PHACTR2: variants seen among roughly 807,000 people sequenced by gnomAD.
PHACTR2 encodes the protein phosphatase and actin regulator 2.
PHACTR2 carries 30 observed loss-of-function variants against 76.0 expected under a neutral mutation model. The ratio of observed to expected loss-of-function variants is 0.39; its 90% CI spans 0.30 to 0.54. PHACTR2 has a LOEUF of 0.54. PHACTR2 is among the 20% of genes least tolerant of loss of function. PHACTR2 has a pLI of 0.61. For missense variants in PHACTR2, 696 were observed against 781.1 expected (o/e 0.89, Z 1.30); for synonymous variants, 292 against 292.5 (o/e 1.00, Z 0.02).
At position 143,698,413 on chromosome 6, in the gene PHACTR2, A is replaced by G. The variant is rs1777821893; in HGVS notation, c.47-13603A>G. ...TGGAATTGTTTCTCTCAAGAGAATT[A>G]GGTGTACAAACCAAGGAATGTTAAT... is the stretch of plus-strand genomic sequence containing the variant. On this transcript the variant is annotated intron_variant, in intron 1 of 12. Transcript: ENST00000440869. This position sits in a 1 kb window ranked among gnomAD's most constrained non-coding sequence, Gnocchi z 4.3. Among the ~76,000 whole-genome samples the G allele has an allele frequency of 6.6e-6, 1 of 152,260 alleles. No homozygotes were observed. Among genetic ancestry groups the G allele is most frequent in the Admixed American group, 6.5e-5 (1 of 15,288 alleles).
chr6:143,656,151 G>A lies in PHACTR2; in HGVS notation c.13+47829G>A, dbSNP rs537850366. 1.9e-4 allele frequency among the ~76,000 whole-genome samples: 29 copies of A among 152,294 alleles called. No individual in the cohort carries two copies. Among genetic ancestry groups the A allele is most frequent in the South Asian group, 8.3e-4 (4 of 4,830 alleles). ...CCAAACTGCAGAGGAAATAACAGGC[G>A]CAGAGACTTCTAGCAGGGTTGTCTG... On this transcript the variant is annotated intron_variant, in intron 1 of 11. Coordinates refer to the PHACTR2 transcript ENST00000305766. The surrounding 1 kb of genome is among the most constrained non-coding windows in gnomAD (Gnocchi z 5.3).
At chr6:143,790,295 A>AT (rs1291925182) in intron 11 of PHACTR2, among the ~76,000 whole-genome samples, 6 of 152,070 alleles carry the variant, frequency 3.9e-5, no homozygotes, top group Non-Finnish European at 8.8e-5. Context: ...TACTTGAACA[A>AT]TTTTTTATGT....
In PHACTR2 at chr6:143,771,158, G is replaced by GTATATATATATA. The variant is rs1341330418; in HGVS notation, c.1233-1096_1233-1085dup. Among the ~76,000 whole-genome samples, 15 of 14,592 alleles carry GTATATATATATA rather than the reference G, an allele frequency of 1.0e-3. 1 individual carries two copies. Among genetic ancestry groups the GTATATATATATA allele is most frequent in the African/African-American group, 2.1e-3 (14 of 6,608 alleles). The allele number at this position is 14,592 out of a possible 152,430, so 9.6% of individuals were successfully genotyped here. A position where few individuals can be genotyped will look rare whatever the true frequency, so the allele number is the denominator to read the frequency against. On this transcript the variant is annotated intron_variant, in intron 6 of 12. Coordinates refer to ENST00000440869, the MANE Select transcript of PHACTR2 (RefSeq NM_001100164.2). ...TATATATATATGTATATATATATATGTATATATATATATATGTATATATAT... is the reference window on the plus strand; with the variant it reads ...TATATATATATGTATATATATATATGTATATATATATATATATATATATATATGTATATATAT...
In PHACTR2 at chr6:143,561,357, T is replaced by C. The variant is rs1775272521; in HGVS notation, c.217+24150T>C. 6.6e-6 allele frequency: 1 copy of C among 152,268 alleles called. No individual in the cohort carries two copies. The highest frequency in any genetic ancestry group is 1.5e-5 in the Non-Finnish European group (1 of 68,068). The allele number at this position is 152,268 out of a possible 1,614,324, so 9.4% of individuals were successfully genotyped here. A position where few individuals can be genotyped will look rare whatever the true frequency, so the allele number is the denominator to read the frequency against. The stretch of plus-strand genomic sequence containing the variant: ...CTCCAGAGCCCAGAAGATTAGGTTG[T>C]TGCTCAATGTTTGTTGAATGAATAA... On this transcript the variant is annotated intron_variant, in intron 1 of 11. Transcript: ENST00000367584. The surrounding 1 kb of genome is among the most constrained non-coding windows in gnomAD (Gnocchi z 4.1).
intron 1 of PHACTR2, among the ~76,000 whole-genome samples, chr6:143,685,864 G>T (rs780403614): frequency 2.6e-5 from 4 of 152,132 alleles, no homozygotes; most frequent in Non-Finnish European, 4.4e-5. Flanking sequence ...GGGCGTGGTG[G>T]CTCACACCTG....
chr6:143,749,192 G>A, intron 3 of PHACTR2, 127 bp downstream of exon 3: 1 of 602,498 alleles, frequency 1.7e-6, no homozygotes, highest in East Asian at 2.9e-5. Flanking sequence ...TGCATTCCAA[G>A]CGCCGTGCTT....
At position 143,556,773 on chromosome 6, in the gene PHACTR2, C is replaced by T. The variant is rs1419867242; in HGVS notation, c.217+19566C>T. On this transcript the variant is annotated intron_variant, in intron 1 of 11. Transcript: ENST00000367584. The surrounding 1 kb of genome is among the most constrained non-coding windows in gnomAD (Gnocchi z 4.3). ...CGCATCACCATGGAATTTTCAGACT[C>T]AACGCACTGGCCACACCATGGGGTC... is the stretch of plus-strand genomic sequence containing the variant. Among the ~76,000 whole-genome samples the T allele has an allele frequency of 1.3e-5, 2 of 152,216 alleles. No individual in the cohort carries two copies. Among genetic ancestry groups the T allele is most frequent in the African/African-American group, 2.4e-5 (1 of 41,444 alleles).
At chr6:143,735,025 T>A (rs1778785942) in intron 2 of PHACTR2, among the ~76,000 whole-genome samples, 1 of 152,244 alleles carries the variant, frequency 6.6e-6, no homozygotes, top group Non-Finnish European at 1.5e-5. Flanking sequence ...GGAAAGTGAC[T>A]GTTTTTTGGC....
At chr6:143,802,479 ATTT>A (rs201154160) in intron 11 of PHACTR2, among the ~76,000 whole-genome samples, 1 of 145,124 alleles carries the variant, frequency 6.9e-6, no homozygotes, top group African/African-American at 2.5e-5. Context: ...ATCTCCACAA[ATTT>A]TTTTTTTTTT....
Position 143,791,017 on chromosome 6 carries a change from T to A in PHACTR2, c.1845+2107T>A, listed in dbSNP as rs1451506332. 2.0e-5 allele frequency among the ~76,000 whole-genome samples: 3 copies of A among 152,194 alleles called. No individual in the cohort carries two copies. The highest frequency in any genetic ancestry group is 4.8e-5 in the African/African-American group (2 of 41,460). On this transcript the variant is annotated intron_variant, in intron 11 of 12. Coordinates refer to ENST00000440869, the MANE Select transcript of PHACTR2 (RefSeq NM_001100164.2). The surrounding 1 kb of genome is among the most constrained non-coding windows in gnomAD (Gnocchi z 4.7). ...CTTAATACAGTCGAATTTATCAACCTTTTTCTTTATGGCTTATGATTTTGT... is the reference window on the plus strand; with the variant it reads ...CTTAATACAGTCGAATTTATCAACCATTTTCTTTATGGCTTATGATTTTGT...
rs1166012800 is a variant in PHACTR2 at position 143,821,303 on chromosome 6, A to G, written c.1923-2371A>G. Among the ~76,000 whole-genome samples the G allele has an allele frequency of 6.6e-6, 1 of 152,228 alleles. No individual in the cohort carries two copies. Among genetic ancestry groups the G allele is most frequent in the Non-Finnish European group, 1.5e-5 (1 of 68,038 alleles). ...TTTTCTTTTGACTTTTGTCAAACAC[A>G]GAAGTAATATAAGTCCCTCGTATCC... is the stretch of plus-strand genomic sequence containing the variant. On this transcript the variant is annotated intron_variant, in intron 12 of 12. Transcript: ENST00000440869. This position sits in a 1 kb window ranked among gnomAD's most constrained non-coding sequence, Gnocchi z 5.2.
rs1584049739 is a variant in PHACTR2 at position 143,543,276 on chromosome 6, A to G, written c.217+6069A>G. Among the ~76,000 whole-genome samples, 1 of 152,222 alleles carries G rather than the reference A, an allele frequency of 6.6e-6. No individual in the cohort carries two copies. Among genetic ancestry groups the G allele is most frequent in the Non-Finnish European group, 1.5e-5 (1 of 68,044 alleles). ...TCTGAGACAGATATTAAAGCCGTGGATTTATTCTGGCCCCTACGTACTGAT... is the reference window on the plus strand; with the variant it reads ...TCTGAGACAGATATTAAAGCCGTGGGTTTATTCTGGCCCCTACGTACTGAT... On this transcript the variant is annotated intron_variant, in intron 1 of 11. Coordinates refer to the PHACTR2 transcript ENST00000367584. This position sits in a 1 kb window ranked among gnomAD's most constrained non-coding sequence, Gnocchi z 4.7.
At position 143,750,392 on chromosome 6, in the gene PHACTR2, T is replaced by A. The variant is rs965241223; in HGVS notation, c.295+1327T>A. On this transcript the variant is annotated intron_variant, in intron 3 of 12. Coordinates refer to ENST00000440869, the MANE Select transcript of PHACTR2 (RefSeq NM_001100164.2). The surrounding 1 kb of genome is among the most constrained non-coding windows in gnomAD (Gnocchi z 4.6). ...GCTTGCAATATCAAAATTAATCCCC[T>A]GTCCAATGTCTCTGAAGGCAATAGA... 6.6e-6 allele frequency among the ~76,000 whole-genome samples: 1 copy of A among 152,214 alleles called. No individual in the cohort carries two copies. The highest frequency in any genetic ancestry group is 1.5e-5 in the Non-Finnish European group (1 of 68,032).
In PHACTR2 at chr6:143,698,444, G is replaced by C. The variant is rs1344688944; in HGVS notation, c.47-13572G>C. Among the ~76,000 whole-genome samples, 1 of 152,102 alleles carries C rather than the reference G, an allele frequency of 6.6e-6. No homozygotes were observed. Among genetic ancestry groups the C allele is most frequent in the Non-Finnish European group, 1.5e-5 (1 of 68,010 alleles). On this transcript the variant is annotated intron_variant, in intron 1 of 12. Coordinates refer to ENST00000440869, the MANE Select transcript of PHACTR2 (RefSeq NM_001100164.2). This position sits in a 1 kb window ranked among gnomAD's most constrained non-coding sequence, Gnocchi z 4.3. ...ACAAACCAAGGAATGTTAATCTTTT[G>C]CTTTTCAGTGGCTTTTAAATGGTTT...
intron 1 of PHACTR2, among the ~76,000 whole-genome samples, chr6:143,588,040 A>T (rs1040510063): frequency 3.3e-5 from 5 of 151,170 alleles, no homozygotes; most frequent in African/African-American, 1.2e-4. Flanking sequence ...AAATAAAATA[A>T]AATAAAATAA....
intron 1 of PHACTR2, among the ~76,000 whole-genome samples, chr6:143,569,745 G>A (rs1775421035): frequency 1.3e-5 from 2 of 152,082 alleles, no homozygotes; most frequent in Non-Finnish European, 2.9e-5. Context: ...CATTCTTAGT[G>A]GTTGCATAAA....
rs13192672 is a variant in PHACTR2 at position 143,698,270 on chromosome 6, A to G, written c.47-13746A>G. ...TTAACACACCTGTCATTTTAAAGAA[A>G]GAAACCAAAATAGAACATCTCGCAA... is the stretch of plus-strand genomic sequence containing the variant. On this transcript the variant is annotated intron_variant, in intron 1 of 12. Coordinates refer to ENST00000440869, the MANE Select transcript of PHACTR2 (RefSeq NM_001100164.2). This position sits in a 1 kb window ranked among gnomAD's most constrained non-coding sequence, Gnocchi z 4.3. Among the ~76,000 whole-genome samples the G allele has an allele frequency of 0.18, 27,657 of 152,176 alleles. 2,902 individuals are homozygous for G. The highest frequency in any genetic ancestry group is 0.28 in the Middle Eastern group (82 of 294).
rs983363276 is a variant in PHACTR2 at position 143,583,232 on chromosome 6, G to A, written c.217+46025G>A. On this transcript the variant is annotated intron_variant, in intron 1 of 11. Coordinates refer to the PHACTR2 transcript ENST00000367584. The surrounding 1 kb of genome is among the most constrained non-coding windows in gnomAD (Gnocchi z 4.0). ...TCCTCCACAATCCGTCCATTTCTGGGAACCCAGAAGATTGAGTCCCTTTTA... is the reference window on the plus strand; with the variant it reads ...TCCTCCACAATCCGTCCATTTCTGGAAACCCAGAAGATTGAGTCCCTTTTA... Among the ~76,000 whole-genome samples the A allele has an allele frequency of 6.6e-6, 1 of 152,168 alleles. No homozygotes were observed. The highest frequency in any genetic ancestry group is 1.5e-5 in the Non-Finnish European group (1 of 68,038).
rs67649344 is a variant in PHACTR2, at chr6:143,816,603, TTGG to T, written c.1923-7067_1923-7065del. On this transcript the variant is annotated intron_variant, in intron 12 of 12. Transcript: ENST00000440869. This position sits in a 1 kb window ranked among gnomAD's most constrained non-coding sequence, Gnocchi z 4.5. ...TTCCTAGCCAGCCCTTGAAGCTGTG[TTGG>T]TGGCCTGTGACCTTCCAATGCAATC... Among the ~76,000 whole-genome samples, 34,294 of 151,926 alleles carry T rather than the reference TTGG, an allele frequency of 0.23. 4,578 individuals are homozygous for T. The highest frequency in any genetic ancestry group is 0.37 in the South Asian group (1,766 of 4,804).
Sources: gnomAD v4.1 joint callset for allele counts (sites outside exome capture counted in the v4.1 genomes callset) on GRCh38, gnomAD v4.1.1 for gene constraint, Gnocchi (gnomAD v3.1) non-coding constraint, MANE v1.5 for transcripts, NCBI Gene and HGNC (gene_info 2026-07-23, HGNC 2026-07-21) for gene names.